LARGE1: variants seen among roughly 807,000 people sequenced by gnomAD.
LARGE1 encodes the protein xylosyl- and glucuronyltransferase LARGE1.
In LARGE1, 43 loss-of-function variants were observed where a neutral mutation model predicts 87.6. The observed-to-expected ratio is 0.49, with a 90% CI of 0.38 to 0.63. LARGE1 has a LOEUF of 0.63. Ranked by LOEUF, LARGE1 falls within the 30% of genes least tolerant of loss-of-function variation. LARGE1 has a pLI of 0.00. For missense variants in LARGE1, 802 were observed against 1,000.2 expected, an observed-to-expected ratio of 0.80 and a Z score of 2.67; for synonymous variants, 434 against 394.6, an observed-to-expected ratio of 1.10 and a Z score of -1.18.
the LARGE1 span, among the ~76,000 whole-genome samples, chr22:33,142,144 T>A: frequency 1.3e-5 from 2 of 152,222 alleles, no homozygotes; most frequent in Non-Finnish European, 2.9e-5. Flanking sequence ...AGCTTGTGCT[T>A]AAACAAAGAT....
At chr22:33,549,165 C>T (rs1048438099) in intron 6 of LARGE1, among the ~76,000 whole-genome samples, 1 of 152,184 alleles carries the variant, frequency 6.6e-6, no homozygotes, top group Non-Finnish European at 1.5e-5. Flanking sequence ...GCATACATAC[C>T]TCTGCCTGCT....
chr22:33,526,956 G>A (rs985438934), intron 6 of LARGE1, among the ~76,000 whole-genome samples: 1 of 152,178 alleles, frequency 6.6e-6, no homozygotes, highest in Non-Finnish European at 1.5e-5. Context: ...CACGGGAGTT[G>A]CTTAAAAATG....
intron 6 of LARGE1, among the ~76,000 whole-genome samples, chr22:33,471,687 C>G (rs1294424788): frequency 2.0e-5 from 3 of 152,054 alleles, no homozygotes; most frequent in African/African-American, 7.3e-5. Flanking sequence ...TCCCCAGGTG[C>G]CAAAGTACAA....
At chr22:33,372,508 T>C (rs1204074652) in intron 9 of LARGE1, among the ~76,000 whole-genome samples, 1 of 152,152 alleles carries the variant, frequency 6.6e-6, no homozygotes, top group Non-Finnish European at 1.5e-5. Context: ...AAGTCTTACA[T>C]GGCAGCAGGC....
downstream of LARGE1, among the ~76,000 whole-genome samples, chr22:33,160,606 G>T (rs538564675): frequency 1.3e-5 from 2 of 152,226 alleles, no homozygotes; most frequent in Admixed American, 6.5e-5. Flanking sequence ...CAGATGCTCT[G>T]TGTTGTCATG....
At chr22:33,725,304 C>T (rs953562480) in intron 2 of LARGE1, among the ~76,000 whole-genome samples, 2 of 152,150 alleles carry the variant, frequency 1.3e-5, no homozygotes, top group African/African-American at 2.4e-5. Flanking sequence ...AGCACAGAGG[C>T]GACAGGGTGG....
the LARGE1 span, among the ~76,000 whole-genome samples, chr22:33,124,786 G>T: frequency 6.6e-6 from 1 of 152,156 alleles, no homozygotes; most frequent in East Asian, 1.9e-4. Context: ...AAGATTGCTT[G>T]AGCCCAGAAG....
At chr22:33,396,375 G>C (rs2065740296) in intron 7 of LARGE1, among the ~76,000 whole-genome samples, 1 of 151,840 alleles carries the variant, frequency 6.6e-6, no homozygotes, top group South Asian at 2.1e-4. Flanking sequence ...AAATGAAAAG[G>C]TTCTGTAATC....
chr22:33,742,596 G>C (rs928102434), intron 2 of LARGE1, among the ~76,000 whole-genome samples: 2 of 152,178 alleles, frequency 1.3e-5, no homozygotes, highest in Admixed American at 6.5e-5. Context: ...CAGGGCCCAG[G>C]TCTTCTGGTG....
intron 9 of LARGE1, among the ~76,000 whole-genome samples, chr22:33,347,539 G>A (rs1939901829): frequency 6.6e-6 from 1 of 152,220 alleles, no homozygotes; most frequent in African/African-American, 2.4e-5. Context: ...CAAAGAGCTT[G>A]TCATTTTTTC....
chr22:33,814,843 G>A (rs1468215296), intron 1 of LARGE1, among the ~76,000 whole-genome samples: 1 of 152,074 alleles, frequency 6.6e-6, no homozygotes, highest in African/African-American at 2.4e-5. Flanking sequence ...CAGGCTATTT[G>A]ATACTCACAA....
chr22:33,608,792 T>C (rs1286311698), intron 4 of LARGE1, among the ~76,000 whole-genome samples: 3 of 152,184 alleles, frequency 2.0e-5, no homozygotes, highest in Non-Finnish European at 2.9e-5. Flanking sequence ...CTGCAGTACC[T>C]ACTGAGTGAC....
At chr22:33,295,365 T>TGTGTGG (rs775530907) in intron 12 of LARGE1, among the ~76,000 whole-genome samples, 29 of 152,164 alleles carry the variant, frequency 1.9e-4, no homozygotes, top group Non-Finnish European at 5.9e-5. Context: ...TGTACATGCG[T>TGTGTGG]GTGGGTGCCT....
At chr22:33,831,316 C>T (rs1030768479) in intron 1 of LARGE1, among the ~76,000 whole-genome samples, 4 of 152,128 alleles carry the variant, frequency 2.6e-5, no homozygotes, top group East Asian at 1.9e-4. Context: ...GGAAAGAATT[C>T]GTAAAAAGTC....
chr22:33,186,342 T>C (rs980096972), intron 11 of LARGE1, among the ~76,000 whole-genome samples: 12 of 152,204 alleles, frequency 7.9e-5, no homozygotes, highest in African/African-American at 2.7e-4. Context: ...ATCTCATGAA[T>C]GCAGGTTTGT....
chr22:33,115,429 G>A, the LARGE1 span, among the ~76,000 whole-genome samples: 3 of 149,522 alleles, frequency 2.0e-5, no homozygotes, highest in East Asian at 3.9e-4. Context: ...CTGCCTGGGC[G>A]ATAGAGTGAG....
At chr22:33,207,629 C>A (rs1389134709) in intron 11 of LARGE1, among the ~76,000 whole-genome samples, 1 of 152,178 alleles carries the variant, frequency 6.6e-6, no homozygotes, top group Non-Finnish European at 1.5e-5. Context: ...TCCTCACCCA[C>A]CACAGAGTGA....
chr22:33,697,759 C>T (rs1569382025), intron 2 of LARGE1, among the ~76,000 whole-genome samples: 1 of 152,000 alleles, frequency 6.6e-6, no homozygotes, highest in African/African-American at 2.4e-5. Flanking sequence ...GTTGAAAGTC[C>T]CACATTCTAT....
intron 4 of LARGE1, among the ~76,000 whole-genome samples, chr22:33,611,540 T>C (rs1041142035): frequency 6.6e-6 from 1 of 152,222 alleles, no homozygotes; most frequent in Non-Finnish European, 1.5e-5. Flanking sequence ...CACCATTGCA[T>C]CTTGGAAGTA....
Sources: gnomAD v4.1 joint callset for allele counts (sites outside exome capture counted in the v4.1 genomes callset) on GRCh38, gnomAD v4.1.1 for gene constraint, MANE v1.5 for transcripts, NCBI Gene and HGNC (gene_info 2026-07-23, HGNC 2026-07-21) for gene names.